CCDC102B: variants seen among roughly 807,000 people sequenced by gnomAD.
CCDC102B encodes coiled-coil domain-containing protein 102B.
CCDC102B carries 75 observed loss-of-function variants against 57.4 expected under a neutral mutation model. That is an observed-to-expected ratio of 1.31 (90% CI 1.08 to 1.58). CCDC102B has a LOEUF of 1.58. Among genes scored for constraint, CCDC102B ranks in the 40% most tolerant of loss-of-function variants. The pLI, the probability that CCDC102B is intolerant of heterozygous loss-of-function variation, is 0.00. For synonymous variants in CCDC102B, 206 were observed against 201.9 expected (o/e 1.02, Z -0.17); for missense variants, 636 against 582.6 (o/e 1.09, Z -0.94).
chr18:68,981,370 G>C (rs1046690662), intron 6 of CCDC102B, among the ~76,000 whole-genome samples: 1 of 151,996 alleles, frequency 6.6e-6, no homozygotes, highest in Non-Finnish European at 1.5e-5. Flanking sequence ...CCCTCATGCT[G>C]GTTAAGAAGA....
chr18:69,027,762 C>T (rs1217194603), intron 7 of CCDC102B, among the ~76,000 whole-genome samples: 3 of 151,774 alleles, frequency 2.0e-5, no homozygotes, highest in Admixed American at 2.0e-4. Flanking sequence ...ACAGTGCATA[C>T]GTATGATATA....
chr18:68,823,372 G>T (rs1254344089), intron 1 of CCDC102B: 1 of 152,122 alleles, frequency 6.6e-6, no homozygotes, highest in African/African-American at 2.4e-5. Context: ...TTAGAATTCC[G>T]AATTCCAAGA....
In CCDC102B at chr18:69,010,969, A is replaced by T; in HGVS notation, c.1299A>T (p.Leu433=). 6.2e-7 allele frequency: 1 copy of T among 1,612,138 alleles called. No individual in the cohort carries two copies. The highest frequency in any genetic ancestry group is 8.5e-7 in the Non-Finnish European group (1 of 1,178,846). The change falls in exon 7 of 8, where the codon CTA becomes CTT. Residue 433 remains leucine, a synonymous_variant. Coordinates refer to ENST00000360242, the MANE Select transcript of CCDC102B (RefSeq NM_024781.3). ...LLNLQHAYYK[L]NRQYQANIAE... The stretch of plus-strand genomic sequence containing the variant: ...ACCTTCAACATGCCTACTATAAACT[A>T]AACAGACAATACCAGGCAAATATTG...
At chr18:68,720,260 A>T (rs2032252318) in intron 2 of CCDC102B, among the ~76,000 whole-genome samples, 1 of 152,226 alleles carries the variant, frequency 6.6e-6, no homozygotes, top group Non-Finnish European at 1.5e-5. Flanking sequence ...AACACTGATC[A>T]ATCACCAAAA....
intron 6 of CCDC102B, among the ~76,000 whole-genome samples, chr18:68,913,363 C>A (rs1336174799): frequency 2.3e-5 from 3 of 130,012 alleles, no homozygotes; most frequent in Non-Finnish European, 3.3e-5. Flanking sequence ...TTAAGAAAAA[C>A]CAGCCAGGGG....
intron 2 of CCDC102B, among the ~76,000 whole-genome samples, chr18:68,727,248 C>G (rs2032638591): frequency 6.6e-6 from 1 of 152,298 alleles, no homozygotes; most frequent in African/African-American, 2.4e-5. Context: ...TGACTCCAGT[C>G]TCTGGCTAAA....
chr18:68,915,796 A>G (rs1231366268), intron 6 of CCDC102B, among the ~76,000 whole-genome samples: 1 of 152,242 alleles, frequency 6.6e-6, no homozygotes, highest in Non-Finnish European at 1.5e-5. Flanking sequence ...TTTTAAGGAA[A>G]AAATCAATTT....
intron 6 of CCDC102B, among the ~76,000 whole-genome samples, chr18:68,992,421 C>T (rs2050895102): frequency 6.6e-6 from 1 of 152,178 alleles, no homozygotes; most frequent in Non-Finnish European, 1.5e-5. Context: ...CCTGCCTCCT[C>T]CATTTCTGTT....
At chr18:68,763,358 A>G (rs1241902727) in intron 2 of CCDC102B, among the ~76,000 whole-genome samples, 1 of 152,154 alleles carries the variant, frequency 6.6e-6, no homozygotes, top group Admixed American at 6.6e-5. Flanking sequence ...TACCATATGC[A>G]TGCATGGTTG....
intron 1 of CCDC102B, among the ~76,000 whole-genome samples, chr18:68,812,157 C>T (rs1395292521): frequency 6.6e-6 from 1 of 151,950 alleles, no homozygotes; most frequent in Non-Finnish European, 1.5e-5. Flanking sequence ...GTTGGGTTTA[C>T]AGAAAACAAA....
Position 68,892,835 on chromosome 18 carries a change from A to G in CCDC102B, c.1054-4384A>G, listed in dbSNP as rs181616214. Among the ~76,000 whole-genome samples, 18 of 152,346 alleles carry G rather than the reference A, an allele frequency of 1.2e-4. No individual in the cohort carries two copies. In the South Asian group the frequency reaches 1.9e-3, roughly 16 times the overall value. ...TTGAGGGATACTGCAAAGCTTAAAA[A>G]TAGGTATAACATCAATACATATGTA... On this transcript the variant is annotated intron_variant, in intron 5 of 7. Transcript: ENST00000360242.
intron 5 of CCDC102B, among the ~76,000 whole-genome samples, chr18:68,891,377 A>G (rs1310381967): frequency 6.6e-6 from 1 of 152,110 alleles, no homozygotes; most frequent in Admixed American, 6.6e-5. Context: ...TCTTTTCCTG[A>G]TTTAATTCAT....
At chr18:68,942,419 C>G (rs2049404030) in intron 6 of CCDC102B, among the ~76,000 whole-genome samples, 1 of 151,902 alleles carries the variant, frequency 6.6e-6, no homozygotes, top group East Asian at 1.9e-4. Flanking sequence ...CCACGCCGGC[C>G]CAGTCTCTGA....
intron 6 of CCDC102B, among the ~76,000 whole-genome samples, chr18:69,009,346 G>C (rs649466): frequency 0.059 from 9,030 of 152,032 alleles, 464 homozygotes; most frequent in East Asian, 0.21. Context: ...TCATCACAAG[G>C]TTCCCTTTAA....
intron 3 of CCDC102B, among the ~76,000 whole-genome samples, chr18:68,839,296 T>C (rs910290558): frequency 6.6e-6 from 1 of 152,134 alleles, no homozygotes; most frequent in African/African-American, 2.4e-5. Context: ...ATATTAATAG[T>C]GGAAAAATCA....
At chr18:68,965,297 T>G (rs1406282458) in intron 6 of CCDC102B, among the ~76,000 whole-genome samples, 1 of 148,326 alleles carries the variant, frequency 6.7e-6, no homozygotes, top group Admixed American at 6.8e-5. Flanking sequence ...TTCTTTTATC[T>G]TCAAGTGAGA....
intron 6 of CCDC102B, among the ~76,000 whole-genome samples, chr18:68,929,138 A>G (rs189029263): frequency 6.6e-6 from 1 of 151,930 alleles, no homozygotes; most frequent in African/African-American, 2.4e-5. Flanking sequence ...CACTGAATGG[A>G]TGTTGAAAGC....
downstream of CCDC102B, among the ~76,000 whole-genome samples, chr18:69,055,837 AG>A: frequency 6.6e-6 from 1 of 152,190 alleles, no homozygotes; most frequent in East Asian, 1.9e-4. Flanking sequence ...CTTTTCTGAA[AG>A]GGTTGCTCAT....
At chr18:68,934,344 T>A (rs1414134687) in intron 6 of CCDC102B, among the ~76,000 whole-genome samples, 1 of 152,008 alleles carries the variant, frequency 6.6e-6, no homozygotes, top group Non-Finnish European at 1.5e-5. Context: ...TGAATATCTC[T>A]TTGATAAGAA....
Sources: gnomAD v4.1 joint callset for allele counts (sites outside exome capture counted in the v4.1 genomes callset) on GRCh38, gnomAD v4.1.1 for gene constraint, MANE v1.5 for transcripts, NCBI Gene and HGNC (gene_info 2026-07-23, HGNC 2026-07-21) for gene names.